The following CDH2 variants were observed in gnomAD, a reference collection of about 807,000 sequenced individuals.
CDH2 encodes cadherin 2, also known as cadherin-2.
A neutral mutation model predicts 92.0 loss-of-function variants in CDH2; 17 were observed. That is an observed-to-expected ratio of 0.18 (90% CI 0.13 to 0.28). The LOEUF is 0.28. Ranked by LOEUF, CDH2 falls within the 10% of genes least tolerant of loss-of-function variation. The pLI is 1.00. For missense variants in CDH2, 862 were observed against 1,133.1 expected (o/e 0.76, Z 3.44); for synonymous variants, 419 against 415.9 (o/e 1.01, Z -0.09).
intron 2 of CDH2, among the ~76,000 whole-genome samples, chr18:28,034,057 T>A (rs957857347): frequency 6.6e-6 from 1 of 152,122 alleles, no homozygotes; most frequent in Admixed American, 6.6e-5. Flanking sequence ...ATCATTTTTT[T>A]ATCAATTCTT....
intron 2 of CDH2, among the ~76,000 whole-genome samples, chr18:28,123,310 G>A (rs2015622799): frequency 1.3e-5 from 2 of 152,114 alleles, no homozygotes; most frequent in African/African-American, 4.8e-5. Flanking sequence ...CCTCTCAGAT[G>A]CTATGATGAT....
intron 2 of CDH2, among the ~76,000 whole-genome samples, chr18:28,019,180 A>C (rs1653814372): frequency 6.6e-6 from 1 of 151,972 alleles, no homozygotes; most frequent in Non-Finnish European, 1.5e-5. Flanking sequence ...AAGACTACAC[A>C]CTGGGTACAT....
chr18:27,942,760 C>G (rs78794854), intron 6 of CDH2, among the ~76,000 whole-genome samples: 10 of 152,246 alleles, frequency 6.6e-5, no homozygotes, highest in Non-Finnish European at 1.5e-4. Context: ...CAGCTTACAA[C>G]TGGAAAATGA....
At chr18:28,001,024 A>G (rs2012749892) in intron 7 of CDH2, among the ~76,000 whole-genome samples, 3 of 152,102 alleles carry the variant, frequency 2.0e-5, no homozygotes. Context: ...CTTTCAGAAA[A>G]GGAAGGTTTT....
intron 7 of CDH2, among the ~76,000 whole-genome samples, chr18:28,002,287 C>T (rs995168753): frequency 1.3e-4 from 20 of 152,074 alleles, no homozygotes; most frequent in African/African-American, 1.7e-4. Flanking sequence ...CACAGTGGGT[C>T]GAGGCCTGTA....
chr18:28,070,651 T>C (rs1424156410), intron 2 of CDH2, among the ~76,000 whole-genome samples: 2 of 152,316 alleles, frequency 1.3e-5, no homozygotes, highest in East Asian at 3.9e-4. Context: ...ATACCTGCTG[T>C]GAGTTGGGCA....
intron 2 of CDH2, among the ~76,000 whole-genome samples, chr18:28,085,268 TC>T (rs1156460157): frequency 6.6e-6 from 1 of 152,124 alleles, no homozygotes; most frequent in Non-Finnish European, 1.5e-5. Context: ...CTTAGCAGTC[TC>T]TTTCTCCGTC....
At chr18:28,115,907 G>C (rs1168488239) in intron 2 of CDH2, among the ~76,000 whole-genome samples, 1 of 152,026 alleles carries the variant, frequency 6.6e-6, no homozygotes, top group Admixed American at 6.6e-5. Flanking sequence ...CCTGAAGTTT[G>C]CCACGTTATT....
intron 3 of CDH2, 23 bp from the exon 4 acceptor site, chr18:28,012,015 T>C (rs572471207): frequency 2.5e-6 from 4 of 1,603,880 alleles, no homozygotes; most frequent in Admixed American, 1.7e-5. Flanking sequence ...ATAGAAGACA[T>C]TCCTGAGTAC....
At chr18:27,962,688 C>T (rs1333635051) in intron 15 of CDH2, among the ~76,000 whole-genome samples, 3 of 152,190 alleles carry the variant, frequency 2.0e-5, no homozygotes, top group Non-Finnish European at 4.4e-5. Flanking sequence ...CAGACATGAT[C>T]AGAAGCAGCA....
chr18:28,137,276 G>C (rs1365642821), intron 2 of CDH2, among the ~76,000 whole-genome samples: 1 of 152,072 alleles, frequency 6.6e-6, no homozygotes, highest in Non-Finnish European at 1.5e-5. Flanking sequence ...AAAGTGGCTG[G>C]GGCTCTTAGT....
intron 14 of CDH2, among the ~76,000 whole-genome samples, chr18:27,970,792 A>C (rs2011637047): frequency 6.6e-6 from 1 of 152,236 alleles, no homozygotes; most frequent in Non-Finnish European, 1.5e-5. Context: ...TTTGGGGGCC[A>C]GATAGTCCAT....
intron 2 of CDH2, among the ~76,000 whole-genome samples, chr18:28,020,460 AT>A (rs976111902): frequency 1.7e-4 from 26 of 151,982 alleles, no homozygotes; most frequent in African/African-American, 6.3e-4. Context: ...GATGATGAAA[AT>A]AAGGCTAATA....
chr18:28,164,796 T>C (rs779516280), intron 1 of CDH2, among the ~76,000 whole-genome samples: 3 of 152,194 alleles, frequency 2.0e-5, no homozygotes, highest in Non-Finnish European at 2.9e-5. Context: ...GATATACCTG[T>C]TGTTTCCAAA....
intron 1 of CDH2, among the ~76,000 whole-genome samples, chr18:28,176,544 C>T (rs2016545201): frequency 6.6e-6 from 1 of 152,164 alleles, no homozygotes; most frequent in Non-Finnish European, 1.5e-5. Flanking sequence ...CTACTGTAAA[C>T]TCGCGACCCA....
intron 1 of CDH2, among the ~76,000 whole-genome samples, chr18:28,155,827 T>C (rs1454610540): frequency 6.6e-6 from 1 of 152,206 alleles, no homozygotes; most frequent in Non-Finnish European, 1.5e-5. Context: ...CAGGATTCCA[T>C]CCATGATGTT....
At position 28,023,167 on chromosome 18, in the gene CDH2, A is replaced by T. The variant is rs75627889; in HGVS notation, c.173-9258T>A. 1.1e-4 allele frequency among the ~76,000 whole-genome samples: 17 copies of T among 152,280 alleles called. No individual in the cohort carries two copies. The East Asian group carries it at 3.3e-3, about 29-fold the overall frequency. On this transcript the variant is annotated intron_variant, in intron 2 of 15. Transcript: ENST00000269141. ...TATTTTCATATATGACCTTATATGG[A>T]ATCACGATTTATAAGCAAACTTTTA...
At chr18:28,052,430 G>A (rs1412115063) in intron 2 of CDH2, among the ~76,000 whole-genome samples, 1 of 152,160 alleles carries the variant, frequency 6.6e-6, no homozygotes, top group Non-Finnish European at 1.5e-5. Flanking sequence ...TCATTGAAGA[G>A]TATACAGAAG....
chr18:28,036,521 T>C, intron 2 of CDH2: 3 of 1,608,380 alleles, frequency 1.9e-6, no homozygotes, highest in Non-Finnish European at 2.5e-6. Flanking sequence ...TCAGTGAAGA[T>C]ACACACATAA....
Sources: allele counts gnomAD v4.1 joint callset (sites outside exome capture counted in the v4.1 genomes callset), GRCh38; gene constraint gnomAD v4.1.1; transcripts MANE v1.5; gene names NCBI Gene and HGNC (gene_info 2026-07-23, HGNC 2026-07-21).